SDK2: variants seen among roughly 807,000 people sequenced by gnomAD.
SDK2 encodes sidekick cell adhesion molecule 2.
A neutral mutation model predicts 253.9 loss-of-function variants in SDK2; 105 were observed. That is an observed-to-expected ratio of 0.41 (90% CI 0.35 to 0.49). SDK2 has a LOEUF of 0.49. SDK2 is among the 20% of genes least tolerant of loss of function. The pLI, the probability that SDK2 is intolerant of heterozygous loss-of-function variation, is 0.06. For missense variants in SDK2, 2,608 were observed against 3,003.0 expected (o/e 0.87, Z 3.07); for synonymous variants, 1,249 against 1,234.9 (o/e 1.01, Z -0.24).
intron 1 of SDK2, among the ~76,000 whole-genome samples, chr17:73,601,208 C>T (rs149645886): frequency 0.021 from 3,173 of 151,898 alleles, 86 homozygotes; most frequent in African/African-American, 0.051. Context: ...TTAGTAAAGA[C>T]GGGGTTTCAC....
intron 1 of SDK2, among the ~76,000 whole-genome samples, chr17:73,569,194 CTTTT>C (rs978776099): frequency 1.3e-5 from 2 of 148,346 alleles, no homozygotes; most frequent in Non-Finnish European, 3.0e-5. Flanking sequence ...TTCTTTCTTT[CTTTT>C]CTTTTTTTTT....
intron 11 of SDK2, among the ~76,000 whole-genome samples, 185 bp from the exon 12 acceptor site, chr17:73,430,798 T>C (rs1048008933): frequency 6.6e-6 from 1 of 152,194 alleles, no homozygotes; most frequent in Non-Finnish European, 1.5e-5. Flanking sequence ...AAACCATGTA[T>C]GGGATGGAGA....
At chr17:73,454,452 T>C (rs1387565924) in intron 4 of SDK2, among the ~76,000 whole-genome samples, 1 of 152,226 alleles carries the variant, frequency 6.6e-6, no homozygotes, top group African/African-American at 2.4e-5. Flanking sequence ...TTTTGGGAAC[T>C]TCACTTGATT....
At chr17:73,614,897 C>T (rs1428085728) in intron 1 of SDK2, among the ~76,000 whole-genome samples, 1 of 150,640 alleles carries the variant, frequency 6.6e-6, no homozygotes, top group African/African-American at 2.4e-5. Context: ...TTTTGGGTGA[C>T]AGCATGGTTA....
At chr17:73,546,317 T>A (rs969261815) in intron 1 of SDK2, among the ~76,000 whole-genome samples, 4 of 152,228 alleles carry the variant, frequency 2.6e-5, no homozygotes, top group Non-Finnish European at 5.9e-5. Flanking sequence ...TCCCGGGACT[T>A]GACGGGCCTG....
chr17:73,500,861 T>G (rs1383527695), intron 2 of SDK2, among the ~76,000 whole-genome samples: 1 of 141,664 alleles, frequency 7.1e-6, no homozygotes, highest in Non-Finnish European at 1.6e-5. Flanking sequence ...TCCATTCTCC[T>G]CCATCCTCCA....
At position 73,430,156 on chromosome 17, in the gene SDK2, G is replaced by A. The variant is rs79788074; in HGVS notation, c.1583+355C>T. ...TGGGCTGGGGGACACTAGCAGTGGC[G>A]TCCAGGGCCAGAGACAGCAGCTCCT... On this transcript the variant is annotated intron_variant, in intron 12 of 44. Transcript: ENST00000392650. Among the ~76,000 whole-genome samples, 110 of 152,298 alleles carry A rather than the reference G, an allele frequency of 7.2e-4. 1 individual carries two copies. In the East Asian group the frequency reaches 0.019, roughly 27 times the overall value.
intron 29 of SDK2, among the ~76,000 whole-genome samples, chr17:73,388,367 G>A (rs570822958): frequency 6.6e-6 from 1 of 152,170 alleles, no homozygotes; most frequent in African/African-American, 2.4e-5. Flanking sequence ...AGGCTGAGCC[G>A]GGCCCTGCGC....
At chr17:73,513,980 G>A (rs1006119512) in intron 1 of SDK2, among the ~76,000 whole-genome samples, 9 of 152,178 alleles carry the variant, frequency 5.9e-5, no homozygotes, top group Admixed American at 2.6e-4. Flanking sequence ...CTGGGTGCCC[G>A]GGGACTTGGG....
chr17:73,478,553 G>T (rs2063701693), intron 2 of SDK2, among the ~76,000 whole-genome samples: 1 of 152,196 alleles, frequency 6.6e-6, no homozygotes, highest in Admixed American at 6.5e-5. Context: ...CGAAGATGAA[G>T]AGATGAGCTC....
intron 40 of SDK2, among the ~76,000 whole-genome samples, chr17:73,354,495 G>A (rs541043554): frequency 3.2e-4 from 48 of 152,292 alleles, no homozygotes; most frequent in Admixed American, 1.0e-3. Context: ...GGGCTGATGG[G>A]GTCAGCCTGG....
chr17:73,611,425 A>G (rs2045973055), intron 1 of SDK2, among the ~76,000 whole-genome samples: 1 of 152,212 alleles, frequency 6.6e-6, no homozygotes, highest in Non-Finnish European at 1.5e-5. Context: ...AGGCCAGGCT[A>G]TGGCATAGCA....
chr17:73,513,022 A>G (rs1235321720), intron 1 of SDK2, among the ~76,000 whole-genome samples: 1 of 152,174 alleles, frequency 6.6e-6, no homozygotes, highest in Non-Finnish European at 1.5e-5. Context: ...AAAATCAGAG[A>G]TTTAAAAATA....
chr17:73,358,247 A>G, intron 39 of SDK2, 43 bp from the exon 40 acceptor site: 2 of 1,553,014 alleles, frequency 1.3e-6, no homozygotes, highest in Non-Finnish European at 1.7e-6. Flanking sequence ...GGAACCCAGA[A>G]CAGCCACCCA....
chr17:73,641,063 T>TGCTTGA (rs1179232802), intron 1 of SDK2: 1 of 152,222 alleles, frequency 6.6e-6, no homozygotes, highest in East Asian at 1.9e-4. Context: ...GGGAGCTAAG[T>TGCTTGA]GCTTGAGGGC....
At chr17:73,599,488 T>G (rs9899828) in intron 1 of SDK2, among the ~76,000 whole-genome samples, 16,926 of 150,496 alleles carry the variant, frequency 0.11, 1,267 homozygotes, top group African/African-American at 0.2. Context: ...TGAGCTGAGA[T>G]AGCGGCACTG....
rs1262840192 is a variant in SDK2 at position 73,394,291 on chromosome 17, A to G, written c.3626T>C (p.Leu1209Pro). The G allele has an allele frequency of 1.9e-6, 3 of 1,600,528 alleles. No individual in the cohort carries two copies. The highest frequency in any genetic ancestry group is 2.6e-6 in the Non-Finnish European group (3 of 1,171,722). The change falls in exon 26 of 45, where the codon CTG becomes CCG. Residue 1209 changes from leucine to proline, a missense_variant. Transcript: ENST00000392650. ...PSSGPTNVSALATTSSSMLVR... is the reference protein window; with the variant it reads ...PSSGPTNVSAPATTSSSMLVR... Reference sequence around the variant, plus strand: ...CAGCATGCTGCTGGAGGTGGTGGCCAGTGCAGACACATTGGTGGGGCCGGA... The same window carrying G: ...CAGCATGCTGCTGGAGGTGGTGGCCGGTGCAGACACATTGGTGGGGCCGGA...
At chr17:73,404,289 G>GGA (rs1215266150) in intron 18 of SDK2, among the ~76,000 whole-genome samples, 3 of 152,284 alleles carry the variant, frequency 2.0e-5, no homozygotes, top group African/African-American at 7.2e-5. Context: ...AGTTGCACGT[G>GGA]GAGAGGAGGA....
At position 73,609,707 on chromosome 17, in the gene SDK2, A is replaced by T. The variant is rs2045950547; in HGVS notation, c.64+34318T>A. Among the ~76,000 whole-genome samples the T allele has an allele frequency of 6.6e-6, 1 of 152,182 alleles. No individual in the cohort carries two copies. Among genetic ancestry groups the T allele is most frequent in the Admixed American group, 6.5e-5 (1 of 15,282 alleles). ...CCCTCTTACCTACGTGCAGTTTACAAGAGTTCTCCAGGGTCTCTCCAAATC... is the reference window on the plus strand; with the variant it reads ...CCCTCTTACCTACGTGCAGTTTACATGAGTTCTCCAGGGTCTCTCCAAATC... On this transcript the variant is annotated intron_variant, in intron 1 of 44. Coordinates refer to ENST00000392650, the MANE Select transcript of SDK2 (RefSeq NM_001144952.2). This position sits in a 1 kb window ranked among gnomAD's most constrained non-coding sequence, Gnocchi z 4.4.
Sources: allele counts gnomAD v4.1 joint callset (sites outside exome capture counted in the v4.1 genomes callset), GRCh38; gene constraint gnomAD v4.1.1; non-coding constraint Gnocchi (gnomAD v3.1); transcripts MANE v1.5; gene names NCBI Gene and HGNC (gene_info 2026-07-23, HGNC 2026-07-21).